Variants in COL24A1 observed in about 807,000 individuals in gnomAD.
COL24A1 encodes collagen alpha-1(XXIV) chain.
COL24A1 carries 224 observed loss-of-function variants against 253.9 expected under a neutral mutation model. The observed-to-expected ratio is 0.88, with a 90% CI of 0.79 to 0.99. COL24A1 has a LOEUF of 0.99. COL24A1 is among the 50% of genes least tolerant of loss of function. The pLI is 0.00. For synonymous variants in COL24A1, 685 were observed against 673.7 expected (o/e 1.02, Z -0.26); for missense variants, 2,131 against 2,068.5 (o/e 1.03, Z -0.59).
chr1:85,829,671 C>T (rs978081516), intron 43 of COL24A1, among the ~76,000 whole-genome samples: 12 of 152,120 alleles, frequency 7.9e-5, no homozygotes, highest in Admixed American at 2.6e-4. Context: ...ATTTCATTCA[C>T]TTCATCTTCC....
At chr1:85,767,293 T>C (rs929545037) in intron 53 of COL24A1, among the ~76,000 whole-genome samples, 1 of 152,140 alleles carries the variant, frequency 6.6e-6, no homozygotes, top group African/African-American at 2.4e-5. Flanking sequence ...CGCGAATGTA[T>C]TACATTCTGA....
chr1:85,854,543 A>C (rs973038356), intron 37 of COL24A1, among the ~76,000 whole-genome samples: 1 of 152,076 alleles, frequency 6.6e-6, no homozygotes, highest in Admixed American at 6.6e-5. Context: ...TGAGTCTTTA[A>C]ATTGCTTTTG....
At chr1:85,803,490 G>A (rs578154888) in intron 47 of COL24A1, among the ~76,000 whole-genome samples, 1 of 149,814 alleles carries the variant, frequency 6.7e-6, no homozygotes, top group South Asian at 2.1e-4. Context: ...ACAATATAGA[G>A]TCTTATGATC....
intron 11 of COL24A1, among the ~76,000 whole-genome samples, chr1:86,048,329 G>T (rs1319274669): frequency 6.6e-6 from 1 of 152,012 alleles, no homozygotes; most frequent in Non-Finnish European, 1.5e-5. Context: ...ATTTTCTTCT[G>T]CTTTTTTGTA....
intron 43 of COL24A1, among the ~76,000 whole-genome samples, chr1:85,824,829 T>C (rs539861924): frequency 6.6e-6 from 1 of 152,160 alleles, no homozygotes; most frequent in East Asian, 1.9e-4. Context: ...AAGAATGCCT[T>C]AGGAAAGAGT....
At chr1:85,896,128 C>T (rs1047513241) in intron 29 of COL24A1, 63 bp from the exon 30 acceptor site, 17 of 1,483,518 alleles carry the variant, frequency 1.1e-5, no homozygotes, top group East Asian at 4.5e-5. Context: ...ACTATGCTAG[C>T]ATATGCTAGC....
At chr1:86,071,291 TA>T (rs1330202155) in intron 7 of COL24A1, among the ~76,000 whole-genome samples, 1 of 151,414 alleles carries the variant, frequency 6.6e-6, no homozygotes, top group African/African-American at 2.4e-5. Context: ...TACTACTAGA[TA>T]AAAATCACCT....
At chr1:85,774,693 T>G (rs1348026793) in intron 53 of COL24A1, among the ~76,000 whole-genome samples, 1 of 152,228 alleles carries the variant, frequency 6.6e-6, no homozygotes, top group Non-Finnish European at 1.5e-5. Flanking sequence ...TAGTGGTTTG[T>G]ATTTCTGTGG....
chr1:86,030,719 C>A (rs969286851), intron 14 of COL24A1: 1 of 151,614 alleles, frequency 6.6e-6, no homozygotes, highest in Non-Finnish European at 1.5e-5. Context: ...CATGCTGCCA[C>A]AGTGGGCCAG....
At chr1:86,120,212 C>T (rs536738959) in intron 3 of COL24A1, among the ~76,000 whole-genome samples, 20 of 152,256 alleles carry the variant, frequency 1.3e-4, no homozygotes, top group African/African-American at 4.8e-4. Flanking sequence ...TAGGCAATAC[C>T]ATTCAGGACA....
intron 45 of COL24A1, among the ~76,000 whole-genome samples, chr1:85,823,152 T>A (rs1673841535): frequency 2.6e-5 from 4 of 152,274 alleles, no homozygotes; most frequent in Non-Finnish European, 1.5e-5. Flanking sequence ...CATTTAATAA[T>A]TTTTTCTTTA....
chr1:86,045,636 T>C (rs2101639266), intron 12 of COL24A1, among the ~76,000 whole-genome samples: 1 of 152,252 alleles, frequency 6.6e-6, no homozygotes, highest in Middle Eastern at 3.4e-3. Flanking sequence ...AAAATACTTA[T>C]CACAGTGTTG....
chr1:85,960,464 A>G (rs1468808884), intron 24 of COL24A1, among the ~76,000 whole-genome samples: 2 of 152,130 alleles, frequency 1.3e-5, no homozygotes, highest in Non-Finnish European at 2.9e-5. Flanking sequence ...AACAACTCAA[A>G]CTTTATTTGA....
Position 85,996,030 on chromosome 1 carries a change from A to G in COL24A1, c.2311-8376T>C, listed in dbSNP as rs117459519. 7.7e-4 allele frequency among the ~76,000 whole-genome samples: 118 copies of G among 152,346 alleles called. No individual in the cohort carries two copies. The East Asian group carries it at 0.018, about 23-fold the overall frequency. On this transcript the variant is annotated intron_variant, in intron 19 of 59. Coordinates refer to ENST00000370571, the MANE Select transcript of COL24A1 (RefSeq NM_152890.7). ...TAGCAGTGCGAGAATGGATGAATAC[A>G]GTGATGGTTTCACAATTTATACATA... is the stretch of plus-strand genomic sequence containing the variant.
intron 5 of COL24A1, among the ~76,000 whole-genome samples, chr1:86,111,320 G>A (rs1017492202): frequency 1.3e-5 from 2 of 152,194 alleles, no homozygotes; most frequent in Admixed American, 6.5e-5. Context: ...AGCACTCTGT[G>A]TCTAGCTAAA....
chr1:85,754,780 A>T (rs901492247), intron 55 of COL24A1, among the ~76,000 whole-genome samples: 1 of 151,836 alleles, frequency 6.6e-6, no homozygotes. Flanking sequence ...ATCCTGTTTG[A>T]GGAGTGGAAA....
At position 86,125,731 on chromosome 1, in the gene COL24A1, A is replaced by G. The variant is rs1274997872; in HGVS notation, c.605T>C (p.Val202Ala). 4 of 1,610,162 alleles carry G rather than the reference A, an allele frequency of 2.5e-6. No homozygotes were observed. Among genetic ancestry groups the G allele is most frequent in the Non-Finnish European group, 3.4e-6 (4 of 1,178,172 alleles). The part of the protein sequence containing the change: ...PEVQTFDSNS[V>A]FTLGSMNNNS... ...ATTATTCATACTTCCTAAAGTAAAC[A>G]CACTATTAGAATCAAAGGTCTGAAC... Residue 202 changes from valine (V) to alanine (A), a missense_variant, in exon 3 of 60, where the codon GTG (valine) becomes GCG (alanine). By Grantham distance (64) the Val-to-Ala change is moderately conservative. Coordinates refer to ENST00000370571, the MANE Select transcript of COL24A1 (RefSeq NM_152890.7).
intron 37 of COL24A1, 142 bp from the exon 38 acceptor site, chr1:85,849,548 T>C (rs556178119): frequency 1.5e-5 from 10 of 677,318 alleles, no homozygotes; most frequent in East Asian, 2.7e-5. Context: ...ATTAGGTTTG[T>C]ATCATTTAAA....
chr1:86,011,663 T>G lies in COL24A1; in HGVS notation c.2310+5488A>C, dbSNP rs151176981. On this transcript the variant is annotated intron_variant, in intron 19 of 59. Coordinates refer to ENST00000370571, the MANE Select transcript of COL24A1 (RefSeq NM_152890.7). Reference sequence around the variant, plus strand: ...CTTATTAGTGTCTTTCTTTTATCACTTTGTTTTTAAAAACATTTATAGAAT... The same window carrying G: ...CTTATTAGTGTCTTTCTTTTATCACGTTGTTTTTAAAAACATTTATAGAAT... Among the ~76,000 whole-genome samples, 632 of 152,342 alleles carry G rather than the reference T, an allele frequency of 4.1e-3. 6 individuals carry two copies. The highest frequency in any genetic ancestry group is 0.015 in the African/African-American group (610 of 41,580).
Sources: gnomAD v4.1 joint callset for allele counts (sites outside exome capture counted in the v4.1 genomes callset) on GRCh38, gnomAD v4.1.1 for gene constraint, MANE v1.5 for transcripts, NCBI Gene and HGNC (gene_info 2026-07-23, HGNC 2026-07-21) for gene names.